The following RRP15 variants were observed in gnomAD, a reference collection of about 807,000 sequenced individuals.
RRP15 encodes the protein RRP15-like protein.
Under a neutral mutation model 27.1 loss-of-function variants are expected in RRP15, and 18 were observed. That is an observed-to-expected ratio of 0.66 (90% CI 0.46 to 0.98). RRP15 has a LOEUF of 0.98. Among genes scored for constraint, RRP15 ranks in the 50% least tolerant of loss-of-function variants. The probability of loss-of-function intolerance (pLI) is 0.00; values close to 1 mark genes in which losing one functional copy is unlikely to be tolerated. For missense variants in RRP15, 359 were observed against 337.8 expected (o/e 1.06, Z -0.49); for synonymous variants, 107 against 109.4 (o/e 0.98, Z 0.14).
intron 4 of RRP15, among the ~76,000 whole-genome samples, chr1:218,309,971 C>T (rs1192945545): frequency 6.6e-6 from 1 of 152,054 alleles, no homozygotes; most frequent in African/African-American, 2.4e-5. Context: ...ATCATTATAT[C>T]TATGTATGTT....
chr1:218,315,997 G>A (rs900950141), intron 4 of RRP15, among the ~76,000 whole-genome samples: 2 of 152,118 alleles, frequency 1.3e-5, no homozygotes, highest in African/African-American at 4.8e-5. Flanking sequence ...AGAACAAGCA[G>A]GATTATACAT....
At chr1:218,295,685 A>G (rs1231837190) in intron 1 of RRP15, among the ~76,000 whole-genome samples, 2 of 152,218 alleles carry the variant, frequency 1.3e-5, no homozygotes, top group Non-Finnish European at 2.9e-5. Flanking sequence ...TACTTGAAAT[A>G]GCAAAGGAAC....
At chr1:218,297,531 G>T (rs138623154) in intron 1 of RRP15, among the ~76,000 whole-genome samples, 2 of 152,274 alleles carry the variant, frequency 1.3e-5, no homozygotes, top group African/African-American at 4.8e-5. Flanking sequence ...AACTAAGACA[G>T]AAGACTTAAT....
chr1:218,322,685 T>C (rs575517077), intron 4 of RRP15, among the ~76,000 whole-genome samples: 2 of 152,332 alleles, frequency 1.3e-5, no homozygotes, highest in East Asian at 3.9e-4. Flanking sequence ...TTCTTAATTC[T>C]CTAGCTAGTC....
In RRP15 at chr1:218,285,332, C is replaced by G; in HGVS notation, c.16C>G (p.Pro6Ala). The G allele has an allele frequency of 3.1e-6, 5 of 1,613,834 alleles. No individual in the cohort carries two copies. The highest frequency in any genetic ancestry group is 4.2e-6 in the Non-Finnish European group (5 of 1,179,904). MAAAA[P>A]DSRVSEEENL... ...GCGCAGAAAAATGGCAGCCGCCGCT[C>G]CGGACTCACGTGTGAGTGAGGAAGA... Residue 6 changes from proline (P) to alanine (A), a missense_variant, in exon 1 of 5, where the codon CCG becomes GCG. Physicochemically the swap from Pro to Ala is conservative, Grantham distance 27. Transcript: ENST00000366932.
intron 4 of RRP15, among the ~76,000 whole-genome samples, chr1:218,310,949 A>G (rs1311806406): frequency 2.6e-5 from 4 of 152,024 alleles, no homozygotes; most frequent in African/African-American, 9.7e-5. Context: ...GGGTTTCACC[A>G]TGTTGATCAG....
intron 1 of RRP15, among the ~76,000 whole-genome samples, chr1:218,291,831 C>T (rs1036993081): frequency 2.7e-5 from 4 of 150,666 alleles, no homozygotes; most frequent in African/African-American, 4.9e-5. Context: ...CGGCTGGCCC[C>T]CCACTCCCCA....
At chr1:218,317,381 GT>G (rs1656105760) in intron 4 of RRP15, among the ~76,000 whole-genome samples, 1 of 152,240 alleles carries the variant, frequency 6.6e-6, no homozygotes, top group South Asian at 2.1e-4. Flanking sequence ...ATAAGCCACA[GT>G]GTCAGCAAGA....
chr1:218,333,461 T>A lies in RRP15; in HGVS notation c.*2370T>A, dbSNP rs1401272436. On this transcript the variant is annotated 3_prime_UTR_variant, in exon 5 of 5. Coordinates refer to ENST00000366932, the MANE Select transcript of RRP15 (RefSeq NM_016052.4). Reference sequence around the variant, plus strand: ...ATTCTGATATCAATCAGATAAATAATCCGAGTGTATTTCATCTTTCTACAT... The same window carrying A: ...ATTCTGATATCAATCAGATAAATAAACCGAGTGTATTTCATCTTTCTACAT... 5 of 152,200 alleles carry A rather than the reference T, an allele frequency of 3.3e-5. No individual in the cohort carries two copies. Among genetic ancestry groups the A allele is most frequent in the Non-Finnish European group, 5.9e-5 (4 of 68,034 alleles). 9.4% of individuals were successfully genotyped at this position (152,200 alleles called of 1,614,324 possible).
chr1:218,307,243 G>T (rs1286362758), intron 3 of RRP15, among the ~76,000 whole-genome samples, 188 bp from the exon 4 acceptor site: 1 of 152,032 alleles, frequency 6.6e-6, no homozygotes, highest in Admixed American at 6.5e-5. Context: ...TTCATTCATT[G>T]AAATGTATAT....
At position 218,302,186 on chromosome 1, in the gene RRP15, C is replaced by T. The variant is rs1347299527; in HGVS notation, c.140-108C>T. 5.2e-6 allele frequency: 4 copies of T among 766,898 alleles called. No homozygotes were observed. In the South Asian group the frequency reaches 6.9e-5, roughly 13 times the overall value. 47.5% of individuals were successfully genotyped at this position (766,898 alleles called of 1,614,324 possible). ...GCTGTGGGACTCAGAAAAGTACCCCCCTTGCAAAAATGGGGACAGGCAGAG... is the reference window on the plus strand; with the variant it reads ...GCTGTGGGACTCAGAAAAGTACCCCTCTTGCAAAAATGGGGACAGGCAGAG... On this transcript the variant is annotated intron_variant, in intron 1 of 4. Coordinates refer to ENST00000366932, the MANE Select transcript of RRP15 (RefSeq NM_016052.4).
chr1:218,335,540 T>C lies in RRP15; in HGVS notation c.*4449T>C, dbSNP rs576877689. On this transcript the variant is annotated 3_prime_UTR_variant, in exon 5 of 5. Transcript: ENST00000366932. ...CTGTGCTGTTCAATATGGTAGCCAC[T>C]CGCAGAGGTGACTACTGAGCATTTC... 6.6e-6 allele frequency: 1 copy of C among 152,346 alleles called. No individual in the cohort carries two copies. Among genetic ancestry groups the C allele is most frequent in the African/African-American group, 2.4e-5 (1 of 41,584 alleles). The allele number at this position is 152,346 out of a possible 1,614,324, so 9.4% of individuals were successfully genotyped here.
At chr1:218,329,824 AT>A (rs879374817) in intron 4 of RRP15, among the ~76,000 whole-genome samples, 3,386 of 145,866 alleles carry the variant, frequency 0.023, 124 homozygotes, top group African/African-American at 0.076. Context: ...ATAGTGGTCA[AT>A]TTTTTTTTTT....
At chr1:218,293,447 G>A (rs1051422278) in intron 1 of RRP15, among the ~76,000 whole-genome samples, 1 of 152,190 alleles carries the variant, frequency 6.6e-6, no homozygotes, top group Non-Finnish European at 1.5e-5. Context: ...TAAAGGCAGA[G>A]TCTTCAGACC....
intron 1 of RRP15, chr1:218,301,649 A>G (rs1265120764): frequency 2.0e-5 from 3 of 152,136 alleles, no homozygotes; most frequent in African/African-American, 7.3e-5. Context: ...ATTTTCATTC[A>G]GTCACTCAGT....
chr1:218,317,363 G>T (rs1393714270), intron 4 of RRP15, among the ~76,000 whole-genome samples: 3 of 152,164 alleles, frequency 2.0e-5, no homozygotes, highest in Non-Finnish European at 2.9e-5. Flanking sequence ...AAGAACTGTG[G>T]CTGGCTGATA....
chr1:218,302,915 AC>A (rs1410555307), intron 2 of RRP15, among the ~76,000 whole-genome samples: 1 of 149,096 alleles, frequency 6.7e-6, no homozygotes, highest in Non-Finnish European at 1.5e-5. Context: ...CATGTTAGTT[AC>A]TTTTTTTTTT....
intron 1 of RRP15, among the ~76,000 whole-genome samples, chr1:218,293,672 A>G (rs1655678708): frequency 6.6e-6 from 1 of 152,150 alleles, no homozygotes; most frequent in Non-Finnish European, 1.5e-5. Context: ...TTTGAATTTT[A>G]TTTTTCTGGC....
At chr1:218,308,623 A>G (rs956442737) in intron 4 of RRP15, among the ~76,000 whole-genome samples, 2 of 152,136 alleles carry the variant, frequency 1.3e-5, no homozygotes, top group South Asian at 4.1e-4. Flanking sequence ...ATGCTAGCCT[A>G]GGGTTGGAGC....
Sources: gnomAD v4.1 joint callset for allele counts (sites outside exome capture counted in the v4.1 genomes callset) on GRCh38, gnomAD v4.1.1 for gene constraint, MANE v1.5 for transcripts, NCBI Gene and HGNC (gene_info 2026-07-23, HGNC 2026-07-21) for gene names.